SETBP1: variants seen among roughly 807,000 people sequenced by gnomAD.
SETBP1 encodes the protein SET binding protein 1.
A neutral mutation model predicts 101.0 loss-of-function variants in SETBP1; 9 were observed. The ratio of observed to expected loss-of-function variants is 0.09; its 90% CI spans 0.05 to 0.16. SETBP1 has a LOEUF of 0.16. Ranked by LOEUF, SETBP1 falls within the 10% of genes least tolerant of loss-of-function variation. The pLI is 1.00. For missense variants in SETBP1, 1,858 were observed against 2,033.8 expected (o/e 0.91, Z 1.66); for synonymous variants, 818 against 788.5 (o/e 1.04, Z -0.63).
At chr18:44,732,022 G>A (rs2069847577) in intron 2 of SETBP1, among the ~76,000 whole-genome samples, 1 of 152,132 alleles carries the variant, frequency 6.6e-6, no homozygotes, top group Admixed American at 6.5e-5. Context: ...GAAATACCCA[G>A]TGGCTGGTGT....
chr18:45,014,711 C>T (rs1162729336), intron 4 of SETBP1, among the ~76,000 whole-genome samples: 1 of 152,118 alleles, frequency 6.6e-6, no homozygotes, highest in African/African-American at 2.4e-5. Flanking sequence ...TCTGACCCTA[C>T]CACCTACTAG....
chr18:44,824,930 GC>G (rs1357865725), intron 2 of SETBP1, among the ~76,000 whole-genome samples: 2 of 152,232 alleles, frequency 1.3e-5, no homozygotes, highest in Non-Finnish European at 2.9e-5. Context: ...TGCAGCCATG[GC>G]GACTGCTCCT....
chr18:44,976,755 G>A lies in SETBP1; in HGVS notation c.4000+23415G>A, dbSNP rs1372781495. 2.0e-5 allele frequency among the ~76,000 whole-genome samples: 3 copies of A among 152,284 alleles called. No homozygotes were observed. The East Asian group carries it at 5.8e-4, about 29-fold the overall frequency. On this transcript the variant is annotated intron_variant, in intron 4 of 5. Coordinates refer to ENST00000649279, the MANE Select transcript of SETBP1 (RefSeq NM_015559.3). ...TCTCTGTGCCCCAGCCCTTTTGTCT[G>A]TAATATGTGATTAATTATACAGAGA...
intron 4 of SETBP1, among the ~76,000 whole-genome samples, chr18:45,009,417 A>G (rs2072792837): frequency 6.6e-6 from 1 of 151,612 alleles, no homozygotes; most frequent in East Asian, 1.9e-4. Flanking sequence ...GGGGCATTAT[A>G]TAACCTCAAC....
At chr18:44,741,328 A>G (rs1416762635) in intron 2 of SETBP1, among the ~76,000 whole-genome samples, 1 of 152,112 alleles carries the variant, frequency 6.6e-6, no homozygotes, top group Non-Finnish European at 1.5e-5. Flanking sequence ...GCAAATAGGA[A>G]CTGTCCTAAG....
chr18:44,874,860 A>G (rs141198094), intron 3 of SETBP1, among the ~76,000 whole-genome samples: 1 of 152,328 alleles, frequency 6.6e-6, no homozygotes, highest in African/African-American at 2.4e-5. Context: ...GTATTCTGTG[A>G]GGAGAAGCTG....
chr18:44,953,235 A>G lies in SETBP1; in HGVS notation c.3895A>G (p.Lys1299Glu), dbSNP rs2071406659. The G allele has an allele frequency of 6.2e-7, 1 of 1,614,180 alleles. No homozygotes were observed. Among genetic ancestry groups the G allele is most frequent in the South Asian group, 1.1e-5 (1 of 91,074 alleles). The part of the protein sequence containing the change: ...DKWDSDVSGS[K>E]RRSYEGFGTY... ...GTGGGACAGTGACGTGAGTGGGAGT[A>G]AAAGGAGGAGCTATGAAGGCTTTGG... Residue 1299 changes from lysine (K) to glutamate (E), a missense_variant, in exon 4 of 6, where the codon AAA becomes GAA. Lys to Glu is a moderately conservative substitution (Grantham distance 56, BLOSUM62 1). Coordinates refer to ENST00000649279, the MANE Select transcript of SETBP1 (RefSeq NM_015559.3).
intron 2 of SETBP1, among the ~76,000 whole-genome samples, chr18:44,786,402 C>A (rs914916584): frequency 6.6e-6 from 1 of 152,156 alleles, no homozygotes; most frequent in African/African-American, 2.4e-5. Flanking sequence ...TTGAGAGGTC[C>A]TTGATTTTTT....
At chr18:44,943,926 C>T (rs2071144418) in intron 3 of SETBP1, among the ~76,000 whole-genome samples, 1 of 151,610 alleles carries the variant, frequency 6.6e-6, no homozygotes, top group South Asian at 2.1e-4. Context: ...CCTCCACTTC[C>T]TGGGTTCAAG....
chr18:44,900,686 A>G (rs2070023971), intron 3 of SETBP1, among the ~76,000 whole-genome samples: 1 of 152,134 alleles, frequency 6.6e-6, no homozygotes, highest in Admixed American at 6.5e-5. Context: ...TGGAAAGGCA[A>G]ATTCTCAGGC....
intron 2 of SETBP1, among the ~76,000 whole-genome samples, chr18:44,759,904 A>G (rs1417281481): frequency 6.6e-6 from 1 of 152,202 alleles, no homozygotes; most frequent in African/African-American, 2.4e-5. Flanking sequence ...TCCTGTACCA[A>G]TTAAACCAGA....
intron 1 of SETBP1, among the ~76,000 whole-genome samples, chr18:44,691,168 A>G (rs1277389798): frequency 6.6e-6 from 1 of 152,106 alleles, no homozygotes; most frequent in African/African-American, 2.4e-5. Context: ...AATCATATAT[A>G]CCTCGATTTG....
chr18:44,756,111 G>A (rs778837298), intron 2 of SETBP1, among the ~76,000 whole-genome samples: 5 of 151,934 alleles, frequency 3.3e-5, no homozygotes, highest in African/African-American at 7.3e-5. Flanking sequence ...CAGCTACTCC[G>A]GAGGGTGAGG....
intron 5 of SETBP1, among the ~76,000 whole-genome samples, chr18:45,054,465 C>A (rs144236294): frequency 1.3e-5 from 2 of 152,156 alleles, no homozygotes; most frequent in Non-Finnish European, 2.9e-5. Flanking sequence ...GGATTACAGG[C>A]GTGAGCCACC....
intron 2 of SETBP1, among the ~76,000 whole-genome samples, chr18:44,710,649 A>G (rs986242046): frequency 6.6e-6 from 1 of 152,030 alleles, no homozygotes; most frequent in East Asian, 1.9e-4. Context: ...ACGAGGTTTC[A>G]CTATGTTGGC....
intron 2 of SETBP1, among the ~76,000 whole-genome samples, chr18:44,771,564 A>C (rs188583848): frequency 4.4e-4 from 67 of 152,244 alleles, no homozygotes; most frequent in African/African-American, 1.5e-3. Context: ...GTAAGTCCCT[A>C]AGACAGAGTT....
intron 4 of SETBP1, among the ~76,000 whole-genome samples, chr18:45,025,110 C>T (rs2073139661): frequency 6.6e-6 from 1 of 152,156 alleles, no homozygotes; most frequent in African/African-American, 2.4e-5. Flanking sequence ...CTATTGAGTA[C>T]AGAGTATCAG....
intron 2 of SETBP1, among the ~76,000 whole-genome samples, chr18:44,806,744 A>C (rs903619060): frequency 7.2e-5 from 10 of 139,270 alleles, no homozygotes; most frequent in African/African-American, 2.7e-4. Context: ...CACAGGTGTG[A>C]TCATACCTTA....
chr18:45,049,252 C>T (rs1449955758), intron 5 of SETBP1, among the ~76,000 whole-genome samples: 2 of 151,960 alleles, frequency 1.3e-5, no homozygotes, highest in African/African-American at 4.8e-5. Flanking sequence ...GGTAAGCAGA[C>T]AGAAGCTAGG....
Sources: allele counts gnomAD v4.1 joint callset (sites outside exome capture counted in the v4.1 genomes callset), GRCh38; gene constraint gnomAD v4.1.1; transcripts MANE v1.5; gene names NCBI Gene and HGNC (gene_info 2026-07-23, HGNC 2026-07-21).